DOCK3: variants seen among roughly 807,000 people sequenced by gnomAD.
DOCK3 encodes dedicator of cytokinesis 3, also known as dedicator of cytokinesis protein 3.
A neutral mutation model predicts 265.6 loss-of-function variants in DOCK3; 60 were observed. The ratio of observed to expected loss-of-function variants is 0.23; its 90% CI spans 0.18 to 0.28. The LOEUF (loss-of-function observed/expected upper bound fraction) is 0.28. Ranked by LOEUF, DOCK3 falls within the 10% of genes least tolerant of loss-of-function variation. The pLI is 1.00. For missense variants in DOCK3, 1,981 were observed against 2,594.3 expected, an observed-to-expected ratio of 0.76 and a Z score of 5.14; for synonymous variants, 881 against 938.0, an observed-to-expected ratio of 0.94 and a Z score of 1.11.
At chr3:51,116,178 G>T (rs913248134) in intron 9 of DOCK3, among the ~76,000 whole-genome samples, 1 of 151,942 alleles carries the variant, frequency 6.6e-6, no homozygotes, top group African/African-American at 2.4e-5. Flanking sequence ...TAGGCCAGAC[G>T]TGGTGGCTCA....
chr3:51,083,985 A>T (rs2082330889), intron 7 of DOCK3, among the ~76,000 whole-genome samples: 2 of 151,196 alleles, frequency 1.3e-5, no homozygotes, highest in African/African-American at 4.9e-5. Context: ...CTCCATCTCA[A>T]ATAAATAAAT....
intron 12 of DOCK3, among the ~76,000 whole-genome samples, chr3:51,206,592 A>C (rs1413950825): frequency 2.0e-5 from 3 of 152,178 alleles, no homozygotes; most frequent in Non-Finnish European, 2.9e-5. Context: ...GGGGAAAGAA[A>C]GGCAAGAAAT....
intron 22 of DOCK3, among the ~76,000 whole-genome samples, chr3:51,248,073 T>G (rs2078923944): frequency 6.6e-6 from 1 of 152,220 alleles, no homozygotes; most frequent in Admixed American, 6.5e-5. Context: ...CTACCATGCT[T>G]CAGACACTGT....
At chr3:50,702,327 T>C (rs1056242096) in intron 1 of DOCK3, among the ~76,000 whole-genome samples, 1 of 152,112 alleles carries the variant, frequency 6.6e-6, no homozygotes, top group African/African-American at 2.4e-5. Context: ...TCTGTATGTG[T>C]TTTAGCTGGT....
intron 4 of DOCK3, among the ~76,000 whole-genome samples, chr3:50,932,263 A>T (rs2051106177): frequency 6.6e-6 from 1 of 152,210 alleles, no homozygotes; most frequent in Non-Finnish European, 1.5e-5. Context: ...ATCAGATAAC[A>T]TATATTCATT....
chr3:50,804,942 A>G (rs2043325061), intron 2 of DOCK3, among the ~76,000 whole-genome samples: 1 of 152,198 alleles, frequency 6.6e-6, no homozygotes, highest in African/African-American at 2.4e-5. Context: ...TTGTTGAATC[A>G]TCTGTCTTCT....
chr3:51,016,762 G>GTT (rs2079318629), intron 5 of DOCK3, among the ~76,000 whole-genome samples: 2 of 43,648 alleles, frequency 4.6e-5, no homozygotes, highest in Non-Finnish European at 7.0e-5. Context: ...TAATATATAT[G>GTT]ATATATGTTT....
intron 10 of DOCK3, among the ~76,000 whole-genome samples, chr3:51,158,208 G>A (rs909797922): frequency 3.9e-5 from 6 of 152,024 alleles, no homozygotes; most frequent in African/African-American, 1.2e-4. Flanking sequence ...AGCATAATGC[G>A]TACTCATCAA....
chr3:51,210,796 T>C (rs552123733), intron 13 of DOCK3, among the ~76,000 whole-genome samples: 1 of 152,332 alleles, frequency 6.6e-6, no homozygotes, highest in South Asian at 2.1e-4. Context: ...TGCCTTGCAG[T>C]TCTGTTTCAG....
intron 5 of DOCK3, among the ~76,000 whole-genome samples, chr3:51,030,811 C>T (rs180705390): frequency 4.6e-5 from 7 of 152,280 alleles, no homozygotes; most frequent in East Asian, 1.9e-4. Context: ...TTGTCTTCCC[C>T]GTCCTGTGTG....
chr3:51,160,494 G>C, intron 11 of DOCK3, 61 bp from the exon 12 acceptor site: 7 of 1,521,156 alleles, frequency 4.6e-6, no homozygotes, highest in Non-Finnish European at 6.2e-6. Flanking sequence ...ATGACAATTA[G>C]GTGATACTGG....
At chr3:51,333,089 G>A (rs1296762866) in intron 34 of DOCK3, 62 bp downstream of exon 34, 24 of 1,613,770 alleles carry the variant, frequency 1.5e-5, no homozygotes, top group Admixed American at 3.3e-5. Context: ...ATGGGCTCTT[G>A]GACTTCACTC....
At chr3:51,362,426 C>A in intron 48 of DOCK3, 101 bp from the exon 49 acceptor site, 2 of 1,483,910 alleles carry the variant, frequency 1.3e-6, no homozygotes, top group Non-Finnish European at 1.8e-6. Context: ...GCATAAGGCA[C>A]TGGGGCAGAA....
At chr3:51,140,665 ATTTCCAGACTGT>A (rs1386389235) in intron 9 of DOCK3, among the ~76,000 whole-genome samples, 42 of 152,154 alleles carry the variant, frequency 2.8e-4, no homozygotes, top group Non-Finnish European at 1.0e-4. Flanking sequence ...CTTTTGAGGA[ATTTCCAGACTGT>A]TTTTCCAAAG....
At chr3:51,368,795 G>T (rs1174666912) in intron 49 of DOCK3, among the ~76,000 whole-genome samples, 1 of 152,226 alleles carries the variant, frequency 6.6e-6, no homozygotes, top group African/African-American at 2.4e-5. Flanking sequence ...CTAACTGGGA[G>T]GCACCTCCCA....
chr3:50,941,901 G>A (rs1355079381), intron 5 of DOCK3, among the ~76,000 whole-genome samples: 1 of 152,022 alleles, frequency 6.6e-6, no homozygotes, highest in Non-Finnish European at 1.5e-5. Context: ...CTAAGGTTGA[G>A]GTCAGAGTGT....
At chr3:50,753,527 T>C (rs556780801) in intron 1 of DOCK3, among the ~76,000 whole-genome samples, 5 of 152,212 alleles carry the variant, frequency 3.3e-5, no homozygotes, top group Non-Finnish European at 7.4e-5. Context: ...TGTTTGTTTG[T>C]TTTTAGTTTA....
At chr3:50,883,919 C>T (rs2048193180) in intron 3 of DOCK3, among the ~76,000 whole-genome samples, 1 of 151,906 alleles carries the variant, frequency 6.6e-6, no homozygotes, top group African/African-American at 2.4e-5. Context: ...AACCATATGA[C>T]TTCTTTCTGT....
chr3:50,864,153 A>G (rs1013352099), intron 3 of DOCK3, among the ~76,000 whole-genome samples: 2 of 152,186 alleles, frequency 1.3e-5, no homozygotes, highest in East Asian at 1.9e-4. Flanking sequence ...TATTGTAACT[A>G]GGGTAAGATG....
Sources: allele counts gnomAD v4.1 joint callset (sites outside exome capture counted in the v4.1 genomes callset), GRCh38; gene constraint gnomAD v4.1.1; transcripts MANE v1.5; gene names NCBI Gene and HGNC (gene_info 2026-07-23, HGNC 2026-07-21).